COA8: variants seen among roughly 807,000 people sequenced by gnomAD.
COA8 encodes cytochrome c oxidase assembly factor 8.
COA8 carries 20 observed loss-of-function variants against 22.0 expected under a neutral mutation model. That is an observed-to-expected ratio of 0.91 (90% CI 0.64 to 1.32). The LOEUF (loss-of-function observed/expected upper bound fraction) is 1.32. Among genes scored for constraint, COA8 ranks in the 40% most tolerant of loss-of-function variants. The probability of loss-of-function intolerance (pLI) is 0.00; values close to 1 mark genes in which losing one functional copy is unlikely to be tolerated. For missense variants in COA8, 266 were observed against 230.0 expected (o/e 1.16, Z -1.01); for synonymous variants, 105 against 79.9 (o/e 1.31, Z -1.68).
chr14:103,575,703 C>CT (rs1374824302), intron 3 of COA8, among the ~76,000 whole-genome samples: 1 of 152,034 alleles, frequency 6.6e-6, no homozygotes, highest in East Asian at 1.9e-4. Context: ...TTATTAATTT[C>CT]TTTTTTTGTT....
At chr14:103,586,884 A>G (rs980302776) in intron 3 of COA8, among the ~76,000 whole-genome samples, 2 of 151,874 alleles carry the variant, frequency 1.3e-5, no homozygotes, top group Non-Finnish European at 2.9e-5. Flanking sequence ...TTGTATTTTT[A>G]GTAGAGATGG....
chr14:103,571,472 C>G, intron 1 of COA8, 151 bp from the exon 2 acceptor site: 3 of 727,486 alleles, frequency 4.1e-6, no homozygotes, highest in Non-Finnish European at 4.4e-6. Flanking sequence ...TACTTGTAAT[C>G]CCAGCACTTT....
rs138885745 is a variant in COA8, at chr14:103,588,703, G to A, written c.476+1339G>A. ...TACAAAAAATACAAAAATTAGCTTG[G>A]TGTGGTAGTGTGCACCTGTAATCCC... is the stretch of plus-strand genomic sequence containing the variant. On this transcript the variant is annotated intron_variant, in intron 4 of 4. Transcript: ENST00000409074. Among the ~76,000 whole-genome samples, 3 of 152,074 alleles carry A rather than the reference G, an allele frequency of 2.0e-5. No individual in the cohort carries two copies. In the East Asian group the frequency reaches 5.8e-4, roughly 30 times the overall value.
At chr14:103,569,011 A>G (rs909809990) in intron 1 of COA8, among the ~76,000 whole-genome samples, 1 of 152,136 alleles carries the variant, frequency 6.6e-6, no homozygotes, top group Non-Finnish European at 1.5e-5. Flanking sequence ...ACCAGTAGGA[A>G]TGCACATGTG....
chr14:103,575,230 G>A (rs549656015), intron 3 of COA8, among the ~76,000 whole-genome samples: 1 of 152,232 alleles, frequency 6.6e-6, no homozygotes, highest in South Asian at 2.1e-4. Context: ...ATATCAGGTA[G>A]GACTAGGTCG....
chr14:103,586,955 T>C (rs2076312125), intron 3 of COA8, among the ~76,000 whole-genome samples: 1 of 151,566 alleles, frequency 6.6e-6, no homozygotes, highest in South Asian at 2.1e-4. Context: ...CCTCCCACCT[T>C]GGCCTCCCAA....
intron 1 of COA8, among the ~76,000 whole-genome samples, chr14:103,566,279 G>A (rs2076134358): frequency 6.6e-6 from 1 of 152,050 alleles, no homozygotes; most frequent in Non-Finnish European, 1.5e-5. Context: ...AAATTAGCCG[G>A]GCATGATGGT....
chr14:103,577,725 A>T (rs2076239365), intron 3 of COA8, among the ~76,000 whole-genome samples: 1 of 151,492 alleles, frequency 6.6e-6, no homozygotes, highest in Non-Finnish European at 1.5e-5. Context: ...CAAAAAATTT[A>T]AAAATAAAAA....
intron 3 of COA8, among the ~76,000 whole-genome samples, chr14:103,585,204 C>T (rs545197846): frequency 9.5e-5 from 14 of 147,438 alleles, no homozygotes; most frequent in Middle Eastern, 4.0e-3. Context: ...CTTGGCCAGG[C>T]GCGGTGGCTC....
At chr14:103,583,916 G>C (rs1301879468) in intron 3 of COA8, among the ~76,000 whole-genome samples, 1 of 152,224 alleles carries the variant, frequency 6.6e-6, no homozygotes, top group Non-Finnish European at 1.5e-5. Flanking sequence ...CTTACTCTTA[G>C]CGGTTTATTA....
chr14:103,587,277 A>G lies in COA8; in HGVS notation c.389A>G (p.Gln130Arg), dbSNP rs1380473385. Residue 130 changes from glutamine to arginine, a missense_variant, in exon 4 of 5, where the codon CAG (glutamine) becomes CGG (arginine). By Grantham distance (43) the Gln-to-Arg change is conservative. Coordinates refer to ENST00000409074, the MANE Select transcript of COA8 (RefSeq NM_001370595.2). ...KGLGLRTESG[Q>R]KATLNAEEMA... is the part of the protein sequence containing the mutation. ...TTAAGCTGAAATTACCTTTCAGGTC[A>G]GAAAGCAACATTGAATGCAGAAGAA... The G allele has an allele frequency of 6.2e-7, 1 of 1,611,508 alleles. No individual in the cohort carries two copies. The highest frequency in any genetic ancestry group is 1.1e-5 in the South Asian group (1 of 90,658).
chr14:103,563,322 C>T, intron 1 of COA8, 198 bp downstream of exon 1: 2 of 756,982 alleles, frequency 2.6e-6, no homozygotes, highest in East Asian at 5.3e-5. Context: ...AGGGTGCCGC[C>T]GCCACCACGC....
intron 4 of COA8, 35 bp from the exon 5 acceptor site, chr14:103,590,146 A>G (rs45532433): frequency 0.027 from 43,531 of 1,588,372 alleles, 758 homozygotes; most frequent in Non-Finnish European, 0.033. Flanking sequence ...AGTCCCTGCC[A>G]CCGTGTCACC....
chr14:103,583,918 G>A (rs796435933), intron 3 of COA8, among the ~76,000 whole-genome samples: 1 of 152,348 alleles, frequency 6.6e-6, no homozygotes, highest in African/African-American at 2.4e-5. Flanking sequence ...TACTCTTAGC[G>A]GTTTATTATT....
intron 3 of COA8, chr14:103,579,405 A>C: frequency 4.7e-6 from 1 of 213,662 alleles, no homozygotes; most frequent in South Asian, 5.1e-5. Context: ...GCTGGAGTGC[A>C]GTGGCACGAT....
At chr14:103,580,453 A>C (rs954257212) in intron 3 of COA8, among the ~76,000 whole-genome samples, 1 of 151,426 alleles carries the variant, frequency 6.6e-6, no homozygotes, top group Admixed American at 6.6e-5. Flanking sequence ...GACTACAGGC[A>C]TCTGCCACCA....
chr14:103,574,814 A>G, intron 3 of COA8: 1 of 263,672 alleles, frequency 3.8e-6, no homozygotes, highest in Non-Finnish European at 7.4e-6. Flanking sequence ...CTTGTGGGGC[A>G]GAGCTGGAGC....
chr14:103,568,525 A>G (rs1430169419), intron 1 of COA8, among the ~76,000 whole-genome samples: 1 of 150,984 alleles, frequency 6.6e-6, no homozygotes, highest in Non-Finnish European at 1.5e-5. Flanking sequence ...ATATACACAC[A>G]CATACACATA....
intron 1 of COA8, 140 bp downstream of exon 1, chr14:103,563,264 C>T: frequency 8.5e-7 from 1 of 1,181,336 alleles, no homozygotes; most frequent in East Asian, 2.5e-5. Context: ...CCGAACAGTC[C>T]CGCAGCCCCG....
Sources: allele counts gnomAD v4.1 joint callset (sites outside exome capture counted in the v4.1 genomes callset), GRCh38; gene constraint gnomAD v4.1.1; transcripts MANE v1.5; gene names NCBI Gene and HGNC (gene_info 2026-07-23, HGNC 2026-07-21).